Variants in JAKMIP1 observed in about 807,000 individuals in gnomAD.
The protein encoded by JAKMIP1 is janus kinase and microtubule-interacting protein 1.
A neutral mutation model predicts 113.0 loss-of-function variants in JAKMIP1; 33 were observed. The observed-to-expected ratio is 0.29, with a 90% confidence interval of 0.22 to 0.39. JAKMIP1 has a LOEUF of 0.39. JAKMIP1 is among the 10% of genes least tolerant of loss of function. JAKMIP1 has a pLI of 1.00. For synonymous variants in JAKMIP1, 480 were observed against 459.9 expected (o/e 1.04, Z -0.56); for missense variants, 813 against 1,080.5 (o/e 0.75, Z 3.47).
At chr4:6,073,105 A>T (rs1719217408) in intron 8 of JAKMIP1, among the ~76,000 whole-genome samples, 1 of 148,472 alleles carries the variant, frequency 6.7e-6, no homozygotes, top group Non-Finnish European at 1.5e-5. Context: ...AAAGTGCTTG[A>T]GCTTCCTAGG....
intron 19 of JAKMIP1, 48 bp from the exon 20 acceptor site, chr4:6,029,829 T>G (rs1712363215): frequency 7.7e-7 from 1 of 1,300,600 alleles, no homozygotes; most frequent in Non-Finnish European, 1.1e-6. Context: ...TTTCCAGGTT[T>G]AAAAACTCTG....
intron 1 of JAKMIP1, among the ~76,000 whole-genome samples, chr4:6,145,821 T>A (rs1488540152): frequency 6.6e-6 from 1 of 152,172 alleles, no homozygotes; most frequent in East Asian, 1.9e-4. Flanking sequence ...TGGTCATCCC[T>A]CTGTGTATGT....
At chr4:6,071,354 G>A (rs1718930291) in intron 8 of JAKMIP1, among the ~76,000 whole-genome samples, 1 of 152,092 alleles carries the variant, frequency 6.6e-6, no homozygotes, top group African/African-American at 2.4e-5. Context: ...TTGAGACAGA[G>A]GGGCCTGGAG....
At position 6,200,149 on chromosome 4, in the gene JAKMIP1, C is replaced by T; in HGVS notation, c.-148+104G>A. 6.6e-6 allele frequency: 1 copy of T among 151,878 alleles called. No individual in the cohort carries two copies. Among genetic ancestry groups the T allele is most frequent in the Non-Finnish European group, 1.5e-5 (1 of 67,888 alleles). The allele number at this position is 151,878 out of a possible 1,614,324, so 9.4% of individuals were successfully genotyped here. ...GATGGACGATGGGGCGGGGCGGCAC[C>T]GGTCGCCGCGTCCCTTGCCGCCAGG... On this transcript the variant is annotated intron_variant, in intron 1 of 20. Coordinates refer to ENST00000409021, the MANE Select transcript of JAKMIP1 (RefSeq NM_001099433.2). This position sits in a 1 kb window ranked among gnomAD's most constrained non-coding sequence, Gnocchi z 7.0.
chr4:6,194,041 A>C lies in JAKMIP1; in HGVS notation c.-148+6212T>G, dbSNP rs1229018797. Among the ~76,000 whole-genome samples, 1 of 152,148 alleles carries C rather than the reference A, an allele frequency of 6.6e-6. No individual in the cohort carries two copies. Among genetic ancestry groups the C allele is most frequent in the African/African-American group, 2.4e-5 (1 of 41,442 alleles). On this transcript the variant is annotated intron_variant, in intron 1 of 20. Coordinates refer to ENST00000409021, the MANE Select transcript of JAKMIP1 (RefSeq NM_001099433.2). This position sits in a 1 kb window ranked among gnomAD's most constrained non-coding sequence, Gnocchi z 7.4. ...CTGAAAATATCAGGCTAAGTGGAAG[A>C]AGCCAGCCACATACGATCTGGTTCT... is the stretch of plus-strand genomic sequence containing the variant.
In JAKMIP1 at chr4:6,189,352, G is replaced by C. The variant is rs375794254; in HGVS notation, c.-148+10901C>G. 1.2e-3 allele frequency among the ~76,000 whole-genome samples: 183 copies of C among 152,308 alleles called. 4 individuals carry two copies. The South Asian group carries it at 0.032, about 27-fold the overall frequency. ...ATCTCTGGACTGATACAACAATCAG[G>C]GGTATTCCCACCCCAAGCATTATAG... On this transcript the variant is annotated intron_variant, in intron 1 of 20. Transcript: ENST00000409021.
Position 6,134,528 on chromosome 4 carries a change from C to T in JAKMIP1, c.-147-21531G>A, listed in dbSNP as rs151320990. ...GGATGCTTTAGCTGGCACCACTTCC[C>T]ACCCCTAGGCTGGGTCAAGGGCTTC... On this transcript the variant is annotated intron_variant, in intron 1 of 20. Coordinates refer to ENST00000409021, the MANE Select transcript of JAKMIP1 (RefSeq NM_001099433.2). Among the ~76,000 whole-genome samples the T allele has an allele frequency of 4.7e-3, 716 of 152,294 alleles. 4 individuals are homozygous for T. Among genetic ancestry groups the T allele is most frequent in the African/African-American group, 0.016 (660 of 41,554 alleles).
rs2108959123 is a variant in JAKMIP1 at position 6,140,344 on chromosome 4, G to A, written c.-147-27347C>T. The stretch of plus-strand genomic sequence containing the variant: ...AATCATAATGCACACCTGATGATGG[G>A]CCGACCATAAATCCCCCCACGTGGC... On this transcript the variant is annotated intron_variant, in intron 1 of 20. Coordinates refer to ENST00000409021, the MANE Select transcript of JAKMIP1 (RefSeq NM_001099433.2). The surrounding 1 kb of genome is among the most constrained non-coding windows in gnomAD (Gnocchi z 9.4). Among the ~76,000 whole-genome samples, 1 of 151,596 alleles carries A rather than the reference G, an allele frequency of 6.6e-6. No homozygotes were observed. The highest frequency in any genetic ancestry group is 2.4e-5 in the African/African-American group (1 of 41,200).
At chr4:6,164,484 T>A (rs761648803) in intron 1 of JAKMIP1, among the ~76,000 whole-genome samples, 4 of 152,196 alleles carry the variant, frequency 2.6e-5, no homozygotes, top group Non-Finnish European at 5.9e-5. Flanking sequence ...TAACACACCA[T>A]CCATTCTGCA....
At position 6,136,554 on chromosome 4, in the gene JAKMIP1, G is replaced by A. The variant is rs1018949812; in HGVS notation, c.-147-23557C>T. Among the ~76,000 whole-genome samples the A allele has an allele frequency of 1.3e-5, 2 of 152,126 alleles. No individual in the cohort carries two copies. Among genetic ancestry groups the A allele is most frequent in the African/African-American group, 2.4e-5 (1 of 41,426 alleles). ...ATCTGAGACAATTTGGGCACTGAGC[G>A]ACTAAGTTCCTGTCCACGGTCACAC... is the stretch of plus-strand genomic sequence containing the variant. On this transcript the variant is annotated intron_variant, in intron 1 of 20. Transcript: ENST00000409021. This position sits in a 1 kb window ranked among gnomAD's most constrained non-coding sequence, Gnocchi z 5.9.
rs1042609128 is a variant in JAKMIP1, at chr4:6,139,439, T to C, written c.-147-26442A>G. ...TCTAATTGAGATGAAGTCAGGAGGG[T>C]GGGCCTTAACCAATATGATGGGTGT... On this transcript the variant is annotated intron_variant, in intron 1 of 20. Transcript: ENST00000409021. The surrounding 1 kb of genome is among the most constrained non-coding windows in gnomAD (Gnocchi z 5.2). Among the ~76,000 whole-genome samples, 2 of 151,908 alleles carry C rather than the reference T, an allele frequency of 1.3e-5. No individual in the cohort carries two copies. The highest frequency in any genetic ancestry group is 2.4e-5 in the African/African-American group (1 of 41,274).
Position 6,105,612 on chromosome 4 carries a change from C to A in JAKMIP1, c.485G>T (p.Arg162Leu). 2 of 1,595,014 alleles carry A rather than the reference C, an allele frequency of 1.3e-6. No homozygotes were observed. Among genetic ancestry groups the A allele is most frequent in the Non-Finnish European group, 1.7e-6 (2 of 1,171,140 alleles). Residue 162 changes from arginine to leucine, a missense_variant, in exon 3 of 21, where the codon CGC becomes CTC. Physicochemically the swap from Arg to Leu is moderately radical, Grantham distance 102. Coordinates refer to ENST00000409021, the MANE Select transcript of JAKMIP1 (RefSeq NM_001099433.2). ...QQEILELKAA[R>L]KQAEEALSNC... ...ACTGAGCGCCTCCTCTGCCTGCTTG[C>A]GCGCTGCCTTGAGCTCCAGGATCTC...
rs1728270710 is a variant in JAKMIP1, at chr4:6,199,969, G to C, written c.-148+284C>G. 6.6e-6 allele frequency among the ~76,000 whole-genome samples: 1 copy of C among 150,680 alleles called. No individual in the cohort carries two copies. Among genetic ancestry groups the C allele is most frequent in the Non-Finnish European group, 1.5e-5 (1 of 67,488 alleles). ...CTGGGGGCTGGGGGCGGGACCGGGA[G>C]GGGGTGTTGGGGGAAGCGACGCAGC... is the stretch of plus-strand genomic sequence containing the variant. On this transcript the variant is annotated intron_variant, in intron 1 of 20. Transcript: ENST00000409021. This position sits in a 1 kb window ranked among gnomAD's most constrained non-coding sequence, Gnocchi z 5.6.
intron 1 of JAKMIP1, among the ~76,000 whole-genome samples, chr4:6,175,986 C>T (rs1003475426): frequency 1.3e-5 from 2 of 152,180 alleles, no homozygotes; most frequent in African/African-American, 2.4e-5. Context: ...GATGAGGTCC[C>T]TTGCTCATTA....
chr4:6,133,811 G>A (rs1486490853), intron 1 of JAKMIP1, among the ~76,000 whole-genome samples: 1 of 152,170 alleles, frequency 6.6e-6, no homozygotes, highest in Non-Finnish European at 1.5e-5. Flanking sequence ...GACTAGACCT[G>A]ACCTGTGTCA....
chr4:6,083,871 A>G (rs1376767001), intron 5 of JAKMIP1, among the ~76,000 whole-genome samples: 1 of 152,150 alleles, frequency 6.6e-6, no homozygotes, highest in Admixed American at 6.5e-5. Context: ...TGAAATTTCT[A>G]TTTTTACTGG....
Position 6,050,597 on chromosome 4 carries a change from C to T in JAKMIP1, c.1889G>A (p.Cys630Tyr). Residue 630 changes from cysteine (C) to tyrosine (Y), a missense_variant, in exon 14 of 21, where the codon TGT becomes TAT. By Grantham distance (194) the Cys-to-Tyr change is radical. Around this residue, in one of 2 missense-constraint regions of JAKMIP1, gnomAD observed 273 missense variants for 426.6 expected, o/e 0.64. Transcript: ENST00000409021. The surrounding 1 kb of genome is among the most constrained non-coding windows in gnomAD (Gnocchi z 7.4). ...CGCTACCTTAACTCCTTCCTGGTGACAGAACAGCTGGAGAGCGCTGCTGTG... is the reference window on the plus strand; with the variant it reads ...CGCTACCTTAACTCCTTCCTGGTGATAGAACAGCTGGAGAGCGCTGCTGTG... ...ENHSSALQLF[C>Y]HQEGVKDVNV... The T allele has an allele frequency of 6.4e-7, 1 of 1,572,898 alleles. No homozygotes were observed. The highest frequency in any genetic ancestry group is 8.6e-7 in the Non-Finnish European group (1 of 1,158,690).
At chr4:6,085,787 C>T (rs187852943) in intron 3 of JAKMIP1, among the ~76,000 whole-genome samples, 158 bp from the exon 4 acceptor site, 17 of 152,300 alleles carry the variant, frequency 1.1e-4, no homozygotes, top group Admixed American at 7.8e-4. Flanking sequence ...AAGCACAGCC[C>T]GCAGCCCAGG....
rs1725859362 is a variant in JAKMIP1 at position 6,180,208 on chromosome 4, C to T, written c.-148+20045G>A. Among the ~76,000 whole-genome samples, 1 of 152,278 alleles carries T rather than the reference C, an allele frequency of 6.6e-6. No individual in the cohort carries two copies. The highest frequency in any genetic ancestry group is 1.9e-4 in the East Asian group (1 of 5,188). Reference sequence around the variant, plus strand: ...ATCAGAAAACCACCAACTTCAATTCCCCACCAAACATACCCACAAACAGAA... The same window carrying T: ...ATCAGAAAACCACCAACTTCAATTCTCCACCAAACATACCCACAAACAGAA... On this transcript the variant is annotated intron_variant, in intron 1 of 20. Transcript: ENST00000409021. This position sits in a 1 kb window ranked among gnomAD's most constrained non-coding sequence, Gnocchi z 4.5.
Sources: gnomAD v4.1 joint callset for allele counts (sites outside exome capture counted in the v4.1 genomes callset) on GRCh38, gnomAD v4.1.1 for gene constraint, gnomAD v4.1.1 regional missense constraint, Gnocchi (gnomAD v3.1) non-coding constraint, MANE v1.5 for transcripts, NCBI Gene and HGNC (gene_info 2026-07-23, HGNC 2026-07-21) for gene names.